KSR1: variants seen among roughly 807,000 people sequenced by gnomAD.
KSR1 encodes kinase suppressor of ras 1, also known as kinase suppressor of ras.
A neutral mutation model predicts 92.9 loss-of-function variants in KSR1; 35 were observed. That is an observed-to-expected ratio of 0.38 (90% CI 0.29 to 0.50). The LOEUF (loss-of-function observed/expected upper bound fraction) is 0.50. KSR1 is among the 20% of genes least tolerant of loss of function. The pLI is 0.94. For synonymous variants in KSR1, 467 were observed against 472.6 expected, an observed-to-expected ratio of 0.99 and a Z score of 0.15; for missense variants, 972 against 1,158.5, an observed-to-expected ratio of 0.84 and a Z score of 2.34.
At chr17:27,591,997 T>C (rs971307237) in intron 7 of KSR1, among the ~76,000 whole-genome samples, 1 of 152,234 alleles carries the variant, frequency 6.6e-6, no homozygotes, top group Non-Finnish European at 1.5e-5. Context: ...ATTATCTGTC[T>C]AATTCTTTTT....
chr17:27,520,873 G>T (rs1258013826), intron 1 of KSR1, among the ~76,000 whole-genome samples: 2 of 152,270 alleles, frequency 1.3e-5, no homozygotes, highest in African/African-American at 4.8e-5. Flanking sequence ...GGATGCGGGA[G>T]ACGTGTGATT....
intron 1 of KSR1, among the ~76,000 whole-genome samples, chr17:27,466,841 C>G (rs1040611569): frequency 1.3e-5 from 2 of 152,270 alleles, no homozygotes; most frequent in African/African-American, 4.8e-5. Flanking sequence ...GGCTCCCACA[C>G]TGCTGCCTGA....
intron 1 of KSR1, among the ~76,000 whole-genome samples, chr17:27,467,818 T>G (rs1007022481): frequency 3.0e-4 from 46 of 151,704 alleles, no homozygotes; most frequent in Admixed American, 7.9e-4. Flanking sequence ...GTTTTGTTTT[T>G]TTTTTTTTTT....
intron 1 of KSR1, among the ~76,000 whole-genome samples, chr17:27,537,759 T>C (rs1052446704): frequency 6.6e-6 from 1 of 152,138 alleles, no homozygotes; most frequent in Non-Finnish European, 1.5e-5. Context: ...TGAGATAATA[T>C]AGAATGTATA....
intron 1 of KSR1, among the ~76,000 whole-genome samples, chr17:27,534,607 A>G (rs2070691322): frequency 6.6e-6 from 1 of 152,186 alleles, no homozygotes; most frequent in South Asian, 2.1e-4. Flanking sequence ...CCATCACTAT[A>G]CTGCCCCTGG....
intron 15 of KSR1, 52 bp from the exon 16 acceptor site, chr17:27,609,144 T>A: frequency 1.3e-6 from 2 of 1,575,730 alleles, no homozygotes; most frequent in East Asian, 4.6e-5. Flanking sequence ...CAGCCCAGGG[T>A]GGCACCTCCG....
At chr17:27,478,850 A>G in intron 1 of KSR1, among the ~76,000 whole-genome samples, 1 of 152,152 alleles carries the variant, frequency 6.6e-6, no homozygotes, top group East Asian at 1.9e-4. Flanking sequence ...TCTGTGAAAT[A>G]AGCACGACTG....
intron 1 of KSR1, among the ~76,000 whole-genome samples, chr17:27,488,623 G>T (rs983140448): frequency 4.6e-5 from 7 of 152,118 alleles, no homozygotes; most frequent in African/African-American, 7.2e-5. Flanking sequence ...CTTGAGTCTA[G>T]GAGTTAGAGA....
At position 27,601,300 on chromosome 17, in the gene KSR1, G is replaced by A. The variant is rs972022548; in HGVS notation, c.1469-60G>A. The A allele has an allele frequency of 6.0e-5, 87 of 1,460,364 alleles. No homozygotes were observed. The Middle Eastern group carries it at 1.0e-3, about 17-fold the overall frequency. The allele number at this position is 1,460,364 out of a possible 1,614,324, so 90.5% of individuals were successfully genotyped here. A position where few individuals can be genotyped will look rare whatever the true frequency, so the allele number is the denominator to read the frequency against. On this transcript the variant is annotated intron_variant, in intron 10 of 20. Coordinates refer to ENST00000644974, the MANE Select transcript of KSR1 (RefSeq NM_001394583.1). The stretch of plus-strand genomic sequence containing the variant: ...CTCCCAAGCCGGTACCTGCAATTCC[G>A]CTCCTCCCTCCTGCGTTGGCCGTTC...
chr17:27,609,458 G>C (rs1357530515), intron 16 of KSR1, 129 bp downstream of exon 16: 1 of 1,203,838 alleles, frequency 8.3e-7, no homozygotes, highest in African/African-American at 1.5e-5. Context: ...AGGTCGCTTT[G>C]GTCCTGCCCT....
At chr17:27,539,000 C>T (rs1274101592) in intron 1 of KSR1, among the ~76,000 whole-genome samples, 1 of 152,182 alleles carries the variant, frequency 6.6e-6, no homozygotes, top group East Asian at 1.9e-4. Flanking sequence ...GTTTAAGGTG[C>T]CTTGCCTTCC....
intron 18 of KSR1, among the ~76,000 whole-genome samples, chr17:27,617,014 A>G (rs911229334): frequency 6.6e-6 from 1 of 152,036 alleles, no homozygotes; most frequent in Admixed American, 6.6e-5. Context: ...TCTCTTTCCC[A>G]TTGCTGGTGT....
At chr17:27,620,158 G>C (rs1261324089) in intron 19 of KSR1, among the ~76,000 whole-genome samples, 1 of 152,214 alleles carries the variant, frequency 6.6e-6, no homozygotes, top group African/African-American at 2.4e-5. Context: ...GACTGTGTGG[G>C]GTTAGGGAAT....
In KSR1 at chr17:27,559,545, A is replaced by G. The variant is rs1306967949; in HGVS notation, c.372+8837A>G. Among the ~76,000 whole-genome samples the G allele has an allele frequency of 2.0e-5, 3 of 152,266 alleles. No homozygotes were observed. The highest frequency in any genetic ancestry group is 1.3e-4 in the Admixed American group (2 of 15,290). ...TATCGTAATGAATTTTAATTTGAAT[A>G]GACATCTGGCTATGACTGCATTGAC... On this transcript the variant is annotated intron_variant, in intron 2 of 20. Transcript: ENST00000644974. This position sits in a 1 kb window ranked among gnomAD's most constrained non-coding sequence, Gnocchi z 4.2.
intron 1 of KSR1, among the ~76,000 whole-genome samples, chr17:27,474,277 G>A (rs2068274261): frequency 6.6e-6 from 1 of 152,246 alleles, no homozygotes; most frequent in Non-Finnish European, 1.5e-5. Flanking sequence ...ACTTGTTATA[G>A]CAAACAGGCC....
chr17:27,490,319 C>T (rs2068783936), intron 1 of KSR1, among the ~76,000 whole-genome samples: 1 of 152,154 alleles, frequency 6.6e-6, no homozygotes, highest in Non-Finnish European at 1.5e-5. Flanking sequence ...TCTCATTTAT[C>T]ATGGAAAATA....
At position 27,603,882 on chromosome 17, in the gene KSR1, G is replaced by A; in HGVS notation, c.1559G>A (p.Gly520Asp). 1.2e-6 allele frequency: 2 copies of A among 1,612,456 alleles called. No individual in the cohort carries two copies. Among genetic ancestry groups the A allele is most frequent in the Non-Finnish European group, 8.5e-7 (1 of 1,179,246 alleles). Residue 520 changes from glycine to aspartate, a missense_variant, in exon 12 of 21, where the codon GGT becomes GAT. Coordinates refer to ENST00000644974, the MANE Select transcript of KSR1 (RefSeq NM_001394583.1). ...GCCCCGCTCCCTGAAGCTGCCGACG[G>A]TACCCGGTAGGCATCCCTAGGTGGT... ...HAAPLPEAAD[G>D]TRLDDQPKAD...
intron 1 of KSR1, among the ~76,000 whole-genome samples, chr17:27,544,323 G>A (rs949250506): frequency 1.3e-5 from 2 of 152,108 alleles, no homozygotes; most frequent in African/African-American, 2.4e-5. Context: ...CTTTGTATAC[G>A]GCAACTCACT....
intron 1 of KSR1, among the ~76,000 whole-genome samples, chr17:27,507,782 T>A (rs1201354851): frequency 6.6e-6 from 1 of 151,700 alleles, no homozygotes. Context: ...TCCATGTTGG[T>A]CAGGCTGATC....
Sources: gnomAD v4.1 joint callset for allele counts (sites outside exome capture counted in the v4.1 genomes callset) on GRCh38, gnomAD v4.1.1 for gene constraint, Gnocchi (gnomAD v3.1) non-coding constraint, MANE v1.5 for transcripts, NCBI Gene and HGNC (gene_info 2026-07-23, HGNC 2026-07-21) for gene names.